Variants in NFIB observed in about 807,000 individuals in gnomAD.
The protein encoded by NFIB is nuclear factor 1 B-type.
NFIB carries 11 observed loss-of-function variants against 61.5 expected under a neutral mutation model. The ratio of observed to expected loss-of-function variants is 0.18; its 90% CI spans 0.11 to 0.30. The LOEUF (loss-of-function observed/expected upper bound fraction) is 0.30, where lower values mean the gene tolerates loss of function less well. Ranked by LOEUF, NFIB falls within the 10% of genes least tolerant of loss-of-function variation. The pLI, the probability that NFIB is intolerant of heterozygous loss-of-function variation, is 1.00. For missense variants in NFIB, 471 were observed against 608.9 expected (o/e 0.77, Z 2.38); for synonymous variants, 260 against 216.5 (o/e 1.20, Z -1.76).
chr9:14,192,310 T>G (rs1440627016), intron 2 of NFIB, among the ~76,000 whole-genome samples: 1 of 152,214 alleles, frequency 6.6e-6, no homozygotes, highest in South Asian at 2.1e-4. Context: ...AAAAAATTAG[T>G]AACTCAACAC....
chr9:14,444,763 A>C, the NFIB span, among the ~76,000 whole-genome samples: 1 of 152,214 alleles, frequency 6.6e-6, no homozygotes, highest in East Asian at 1.9e-4. Flanking sequence ...TATGTACATC[A>C]TTAATAATTT....
In NFIB at chr9:14,216,762, T is replaced by C. The variant is rs796191162; in HGVS notation, c.563-36982A>G. 2.6e-4 allele frequency among the ~76,000 whole-genome samples: 40 copies of C among 152,338 alleles called. 1 individual carries two copies. The highest frequency in any genetic ancestry group is 9.6e-4 in the African/African-American group (40 of 41,578). ...CTTTCTCATGTGACACTTAAGGCTA[T>C]GCTGACTTTGCCAAAATTGCTTTCA... On this transcript the variant is annotated intron_variant, in intron 2 of 10. Coordinates refer to ENST00000380953, the MANE Select transcript of NFIB (RefSeq NM_001190737.2).
Position 14,091,050 on chromosome 9 carries a change from C to T in NFIB, c.1468-2724G>A, listed in dbSNP as rs143068993. ...AAATGTTTATTTAAATCTTTCAAAC[C>T]GCCCATCCTACATTATGACCATATC... On this transcript the variant is annotated intron_variant, in intron 10 of 10. Transcript: ENST00000380953. 5.0e-3 allele frequency among the ~76,000 whole-genome samples: 762 copies of T among 151,946 alleles called. 7 individuals are homozygous for T. The highest frequency in any genetic ancestry group is 0.016 in the African/African-American group (660 of 41,476).
chr9:14,231,135 A>AAAATATATATATATATATATATATAT (rs55959148), intron 2 of NFIB, among the ~76,000 whole-genome samples: 1 of 35,342 alleles, frequency 2.8e-5, no homozygotes, highest in African/African-American at 1.0e-4. Context: ...AAAAAAAAAA[A>AAAATATATATATATATATATATATAT]ATATATATAT....
chr9:14,134,897 CAA>C (rs57014530), intron 6 of NFIB, among the ~76,000 whole-genome samples: 1,361 of 64,160 alleles, frequency 0.021, 7 homozygotes, highest in African/African-American at 0.059. Context: ...GACTCTGTCT[CAA>C]AAAAAAAAAA....
chr9:14,233,375 C>T (rs1265334090), intron 2 of NFIB, among the ~76,000 whole-genome samples: 1 of 149,202 alleles, frequency 6.7e-6, no homozygotes, highest in African/African-American at 2.5e-5. Flanking sequence ...CCATAAAGAG[C>T]TTTGGTGAAG....
chr9:14,450,124 C>T, the NFIB span, among the ~76,000 whole-genome samples: 1 of 152,038 alleles, frequency 6.6e-6, no homozygotes, highest in Non-Finnish European at 1.5e-5. Context: ...CCCCCAGCCC[C>T]CTACACTCCG....
intron 6 of NFIB, among the ~76,000 whole-genome samples, chr9:14,142,231 T>C (rs946000576): frequency 2.0e-5 from 3 of 152,162 alleles, no homozygotes; most frequent in East Asian, 1.9e-4. Context: ...GACTGAGTTA[T>C]GGGGGCAGAT....
chr9:14,083,260 T>C lies in NFIB; in HGVS notation c.*5049A>G, dbSNP rs2032311238. On this transcript the variant is annotated 3_prime_UTR_variant, in exon 11 of 11. Coordinates refer to ENST00000380953, the MANE Select transcript of NFIB (RefSeq NM_001190737.2). ...TTGTCATGGCAATGAGTTTGGCTGA[T>C]GCAAAGGTCATTGTGCAGGGTCAAA... The C allele has an allele frequency of 4.4e-6, 1 of 225,642 alleles. No individual in the cohort carries two copies. The highest frequency in any genetic ancestry group is 6.4e-5 in the East Asian group (1 of 15,720). 14.0% of individuals were successfully genotyped at this position (225,642 alleles called of 1,614,324 possible).
At chr9:14,444,880 C>T in the NFIB span, among the ~76,000 whole-genome samples, 1 of 152,188 alleles carries the variant, frequency 6.6e-6, no homozygotes, top group Non-Finnish European at 1.5e-5. Context: ...AATATCCTCA[C>T]TTACATGATA....
Position 14,082,035 on chromosome 9 carries a change from C to G in NFIB, c.*6274G>C. The G allele has an allele frequency of 4.7e-6, 1 of 211,796 alleles. No individual in the cohort carries two copies. The highest frequency in any genetic ancestry group is 9.6e-6 in the Non-Finnish European group (1 of 104,046). The allele number at this position is 211,796 out of a possible 1,614,324, so 13.1% of individuals were successfully genotyped here. A position where few individuals can be genotyped will look rare whatever the true frequency, so the allele number is the denominator to read the frequency against. On this transcript the variant is annotated 3_prime_UTR_variant, in exon 11 of 11. Transcript: ENST00000380953. The stretch of plus-strand genomic sequence containing the variant: ...GGCAATTGAGTTCATTTGCAACCCA[C>G]AAAAAGTACCCAAAGAACGTTATCC...
At chr9:14,206,558 G>T (rs1193640581) in intron 2 of NFIB, among the ~76,000 whole-genome samples, 1 of 151,686 alleles carries the variant, frequency 6.6e-6, no homozygotes, top group East Asian at 1.9e-4. Flanking sequence ...TTTCTTCCTT[G>T]AGAGTTTCCA....
the NFIB span, among the ~76,000 whole-genome samples, chr9:14,496,907 A>G: frequency 6.6e-6 from 1 of 152,242 alleles, no homozygotes; most frequent in South Asian, 2.1e-4. Flanking sequence ...TGACACACCA[A>G]TAATGGGTCT....
intron 1 of NFIB, among the ~76,000 whole-genome samples, chr9:14,367,305 T>TAAATATGG: frequency 6.6e-6 from 1 of 152,140 alleles, no homozygotes; most frequent in Non-Finnish European, 1.5e-5. Context: ...GTACAAAGAC[T>TAAATATGG]AAATATGGAA....
the NFIB span, among the ~76,000 whole-genome samples, chr9:14,488,621 G>A: frequency 6.6e-6 from 1 of 152,284 alleles, no homozygotes; most frequent in South Asian, 2.1e-4. Flanking sequence ...TGGGGAATGT[G>A]TACCTCTAGG....
chr9:14,365,433 G>A (rs1386646280), intron 1 of NFIB, among the ~76,000 whole-genome samples: 1 of 152,174 alleles, frequency 6.6e-6, no homozygotes, highest in Non-Finnish European at 1.5e-5. Flanking sequence ...CCAGACCATG[G>A]CTATTCTGTC....
intron 2 of NFIB, among the ~76,000 whole-genome samples, chr9:14,273,697 T>A (rs956728965): frequency 4.6e-5 from 7 of 152,202 alleles, no homozygotes; most frequent in African/African-American, 1.7e-4. Context: ...CTACATAAAA[T>A]TCAGCAGTTT....
chr9:14,363,630 CATATACAT>C (rs1185408591), intron 1 of NFIB, among the ~76,000 whole-genome samples: 1 of 122,164 alleles, frequency 8.2e-6, no homozygotes, highest in Non-Finnish European at 1.7e-5. Context: ...TATGTGTGTA[CATATACAT>C]ATATATGTAT....
intron 1 of NFIB, among the ~76,000 whole-genome samples, chr9:14,377,901 T>C (rs1210986235): frequency 6.6e-6 from 1 of 152,224 alleles, no homozygotes; most frequent in Non-Finnish European, 1.5e-5. Flanking sequence ...TACGCCTATT[T>C]TCCTATGATA....
Sources: gnomAD v4.1 joint callset for allele counts (sites outside exome capture counted in the v4.1 genomes callset) on GRCh38, gnomAD v4.1.1 for gene constraint, MANE v1.5 for transcripts, NCBI Gene and HGNC (gene_info 2026-07-23, HGNC 2026-07-21) for gene names.